PMM2: variants seen among roughly 807,000 people sequenced by gnomAD.
PMM2 encodes the protein phosphomannomutase 2.
In PMM2, 35 loss-of-function variants were observed where a neutral mutation model predicts 33.2. The observed-to-expected ratio is 1.06, with a 90% CI of 0.81 to 1.40. PMM2 has a LOEUF of 1.40. Among genes scored for constraint, PMM2 ranks in the 40% most tolerant of loss-of-function variants. The probability of loss-of-function intolerance (pLI) is 0.00; values close to 1 mark genes in which losing one functional copy is unlikely to be tolerated. For missense variants in PMM2, 386 were observed against 306.0 expected, an observed-to-expected ratio of 1.26 and a Z score of -1.95; for synonymous variants, 153 against 114.7, an observed-to-expected ratio of 1.33 and a Z score of -2.13.
At chr16:8,816,891 C>T (rs1158571937) in intron 7 of PMM2, among the ~76,000 whole-genome samples, 1 of 152,122 alleles carries the variant, frequency 6.6e-6, no homozygotes, top group African/African-American at 2.4e-5. Flanking sequence ...CCAGCAGTTC[C>T]ACTTAGAGAT....
chr16:8,843,578 C>G (rs917003200), intron 7 of PMM2, among the ~76,000 whole-genome samples: 2 of 152,094 alleles, frequency 1.3e-5, no homozygotes, highest in Non-Finnish European at 2.9e-5. Context: ...GGAGGAACGC[C>G]TGGCCGCTGC....
intron 7 of PMM2, among the ~76,000 whole-genome samples, chr16:8,845,822 A>T (rs979663009): frequency 6.7e-6 from 1 of 150,138 alleles, no homozygotes; most frequent in Non-Finnish European, 1.5e-5. Flanking sequence ...TAATTAGAAG[A>T]ATTACTGGAA....
intron 7 of PMM2, among the ~76,000 whole-genome samples, chr16:8,833,270 A>G (rs1212341131): frequency 6.6e-6 from 1 of 152,342 alleles, no homozygotes; most frequent in African/African-American, 2.4e-5. Context: ...GAGAATTACA[A>G]AGAACCTTCT....
intron 7 of PMM2, among the ~76,000 whole-genome samples, chr16:8,826,600 A>C (rs78102724): frequency 0.011 from 1,725 of 152,268 alleles, 32 homozygotes; most frequent in African/African-American, 0.04. Context: ...CTTTAAAACT[A>C]TCTTTATTTA....
At chr16:8,847,162 C>T (rs1484048893) in intron 7 of PMM2, among the ~76,000 whole-genome samples, 2 of 152,154 alleles carry the variant, frequency 1.3e-5, no homozygotes, top group Non-Finnish European at 2.9e-5. Flanking sequence ...CCATGCCCGG[C>T]CCACGTGGGG....
At chr16:8,816,124 C>T (rs2060706846) in intron 7 of PMM2, among the ~76,000 whole-genome samples, 1 of 151,668 alleles carries the variant, frequency 6.6e-6, no homozygotes, top group Admixed American at 6.6e-5. Context: ...CCAGGATGGC[C>T]ATTTTATTTT....
At position 8,847,796 on chromosome 16, in the gene PMM2, C is replaced by A; in HGVS notation, c.712C>A (p.Arg238Ser). Residue 238 changes from arginine (R) to serine (S), a missense_variant, in exon 8 of 8, where the codon CGC becomes AGC. Transcript: ENST00000268261. ...CTCCGTGACAGCGCCTGAGGACACG[C>A]GCAGGATCTGTGAACTGCTGTTCTC... The part of the protein sequence containing the change: ...GYSVTAPEDT[R>S]RICELLFS The A allele has an allele frequency of 6.2e-7, 1 of 1,613,750 alleles. No individual in the cohort carries two copies.
chr16:8,847,911 TCACC>T lies in PMM2; in HGVS notation c.*92_*95del, dbSNP rs2060938919. The T allele has an allele frequency of 1.0e-6, 1 of 994,798 alleles. No individual in the cohort carries two copies. Among genetic ancestry groups the T allele is most frequent in the Non-Finnish European group, 1.6e-6 (1 of 638,556 alleles). The allele number at this position is 994,798 out of a possible 1,614,324, so 61.6% of individuals were successfully genotyped here. ...GAGCCGAGGGTCCTCCCACACGTGC[TCACC>T]CACCCGCAGCCTAGGCAGGCTCTGC... On this transcript the variant is annotated 3_prime_UTR_variant, in exon 8 of 8. Coordinates refer to ENST00000268261, the MANE Select transcript of PMM2 (RefSeq NM_000303.3).
chr16:8,822,299 G>A (rs555143152), intron 7 of PMM2, among the ~76,000 whole-genome samples: 2 of 152,176 alleles, frequency 1.3e-5, no homozygotes, highest in Admixed American at 6.5e-5. Flanking sequence ...AGAACACAGG[G>A]TCTACAAAAT....
intron 7 of PMM2, among the ~76,000 whole-genome samples, chr16:8,818,752 C>T (rs1410768946): frequency 6.6e-6 from 1 of 152,156 alleles, no homozygotes; most frequent in Non-Finnish European, 1.5e-5. Context: ...AAATATTTGC[C>T]ATCTTCAGAA....
rs1164340679 is a variant in PMM2, at chr16:8,810,870, C to A, written c.348-209C>A. The A allele has an allele frequency of 5.0e-6, 3 of 595,386 alleles. No individual in the cohort carries two copies. The Admixed American group carries it at 8.7e-5, about 17-fold the overall frequency. The allele number at this position is 595,386 out of a possible 1,614,324, so 36.9% of individuals were successfully genotyped here. ...CATTCCTTTTTCATACTAAATCTTT[C>A]AAATCTAATCTCAATTCATATTAGC... is the stretch of plus-strand genomic sequence containing the variant. On this transcript the variant is annotated intron_variant, in intron 4 of 7. Transcript: ENST00000268261.
At position 8,811,651 on chromosome 16, in the gene PMM2, G is replaced by A. The variant is rs1170021392; in HGVS notation, c.461G>A (p.Arg154Lys). The change falls in exon 6 of 8, where the codon AGA (arginine) becomes AAA (lysine). Residue 154 changes from arginine (R) to lysine (K), a missense_variant. By Grantham distance (26) the Arg-to-Lys change is conservative. Transcript: ENST00000268261. The part of the protein sequence containing the change: ...FYELDKKENI[R>K]QKFVADLRKE... The stretch of plus-strand genomic sequence containing the variant: ...TGTTTTTCTCAGAAAGAAAATATAA[G>A]ACAAAAGTTTGTAGCAGATCTACGG... The A allele has an allele frequency of 6.2e-6, 10 of 1,611,844 alleles. No homozygotes were observed. Among genetic ancestry groups the A allele is most frequent in the Non-Finnish European group, 8.5e-6 (10 of 1,178,002 alleles).
intron 7 of PMM2, among the ~76,000 whole-genome samples, chr16:8,815,218 C>CTT (rs59339190): frequency 0.14 from 19,282 of 138,378 alleles, 1,447 homozygotes; most frequent in East Asian, 0.24. Flanking sequence ...TATTTTCTTT[C>CTT]TTTTTTTTTT....
At chr16:8,823,835 A>C (rs1235065694) in intron 7 of PMM2, among the ~76,000 whole-genome samples, 5 of 151,534 alleles carry the variant, frequency 3.3e-5, no homozygotes, top group African/African-American at 1.2e-4. Flanking sequence ...TGTGTAGACA[A>C]GGTATGAGGC....
rs1200615970 is a variant in PMM2 at position 8,848,987 on chromosome 16, A to AC, written c.*1163dup. ...GTGTCACTTTTCAGGATGTGGAAAC[A>AC]CTGAGCCATACACCCTCCATTGCTT... On this transcript the variant is annotated 3_prime_UTR_variant, in exon 8 of 8. Transcript: ENST00000268261. 1 of 152,232 alleles carries AC rather than the reference A, an allele frequency of 6.6e-6. No individual in the cohort carries two copies. The highest frequency in any genetic ancestry group is 1.5e-5 in the Non-Finnish European group (1 of 68,052). 9.4% of individuals were successfully genotyped at this position (152,232 alleles called of 1,614,324 possible). A position where few individuals can be genotyped will look rare whatever the true frequency, so the allele number is the denominator to read the frequency against.
At chr16:8,837,753 G>T (rs957366704) in intron 7 of PMM2, among the ~76,000 whole-genome samples, 3 of 152,052 alleles carry the variant, frequency 2.0e-5, no homozygotes, top group Non-Finnish European at 2.9e-5. Flanking sequence ...GGGACTTGCC[G>T]CTAAGGGTGA....
chr16:8,814,200 C>A lies in PMM2; in HGVS notation c.639+1094C>A, dbSNP rs2060693741. Among the ~76,000 whole-genome samples, 5 of 152,064 alleles carry A rather than the reference C, an allele frequency of 3.3e-5. No homozygotes were observed. In the South Asian group the frequency reaches 1.0e-3, roughly 32 times the overall value. On this transcript the variant is annotated intron_variant, in intron 7 of 7. Transcript: ENST00000268261. ...CATGTTGGCCAGGCTGGTCTTGATT[C>A]CTGGCCTCAAGGAATCTGCCTGCCT... is the stretch of plus-strand genomic sequence containing the variant.
intron 7 of PMM2, among the ~76,000 whole-genome samples, chr16:8,829,580 C>G (rs548320645): frequency 3.8e-4 from 58 of 152,348 alleles, no homozygotes; most frequent in African/African-American, 1.3e-3. Flanking sequence ...AAGGCTCACA[C>G]TTGCTCCCGT....
At chr16:8,801,304 T>TAAGTAA (rs2060614944) in intron 1 of PMM2, among the ~76,000 whole-genome samples, 1 of 152,254 alleles carries the variant, frequency 6.6e-6, no homozygotes, top group Admixed American at 6.5e-5. Flanking sequence ...TTAAGTTTAT[T>TAAGTAA]CTGGTAAAGA....
Sources: allele counts gnomAD v4.1 joint callset (sites outside exome capture counted in the v4.1 genomes callset), GRCh38; gene constraint gnomAD v4.1.1; transcripts MANE v1.5; gene names NCBI Gene and HGNC (gene_info 2026-07-23, HGNC 2026-07-21).